Variants in PAK6 observed in about 807,000 individuals in gnomAD.
PAK6 encodes p21 (RAC1) activated kinase 6.
In PAK6, 33 loss-of-function variants were observed where a neutral mutation model predicts 60.8. The ratio of observed to expected loss-of-function variants is 0.54; its 90% CI spans 0.41 to 0.73. The LOEUF is 0.73. Among genes scored for constraint, PAK6 ranks in the 30% least tolerant of loss-of-function variants. The pLI is 0.00. For synonymous variants in PAK6, 404 were observed against 378.5 expected (o/e 1.07, Z -0.78); for missense variants, 845 against 904.1 (o/e 0.93, Z 0.84).
intron 2 of PAK6, among the ~76,000 whole-genome samples, chr15:40,242,542 G>A (rs2038383866): frequency 6.6e-6 from 1 of 152,200 alleles, no homozygotes; most frequent in African/African-American, 2.4e-5. Flanking sequence ...GCTTATTTCT[G>A]GGAGCCTCCT....
exon 6 of PAK6, chr15:40,272,243 C>T (rs371298913): frequency 4.5e-5 from 72 of 1,609,190 alleles, no homozygotes; most frequent in South Asian, 6.6e-5. Context: ...TCTTTCCGAC[C>T]GCCGCAGAAA....
chr15:40,265,839 C>T lies in PAK6; in HGVS notation c.205-3C>T, dbSNP rs764463480. 4.0e-6 allele frequency: 6 copies of T among 1,516,206 alleles called. No homozygotes were observed. Among genetic ancestry groups the T allele is most frequent in the African/African-American group, 1.4e-5 (1 of 71,912 alleles). The allele number at this position is 1,516,206 out of a possible 1,614,324, so 93.9% of individuals were successfully genotyped here. On this transcript the variant is annotated splice_polypyrimidine_tract_variant and splice_region_variant and intron_variant, in intron 4 of 10. Coordinates refer to ENST00000560346, the Ensembl canonical transcript of PAK6. The stretch of plus-strand genomic sequence containing the variant: ...CACACACTCTTTTCTCTTCCCCCTA[C>T]AGACAGTGGTGCGGGGCAGCGCGAT...
At chr15:40,273,864 G>A (rs2039378330) in intron 9 of PAK6, 188 bp downstream of exon 9, 2 of 744,842 alleles carry the variant, frequency 2.7e-6, no homozygotes, top group African/African-American at 3.5e-5. Context: ...AACGAGTCCT[G>A]CAAGTGCTTT....
At chr15:40,248,146 G>A (rs149878605) in intron 2 of PAK6, among the ~76,000 whole-genome samples, 2 of 152,316 alleles carry the variant, frequency 1.3e-5, no homozygotes, top group Non-Finnish European at 2.9e-5. Context: ...GGACTCCATG[G>A]CTCTGCAGCT....
exon 7 of PAK6, chr15:40,272,930 G>A: frequency 6.2e-7 from 1 of 1,614,112 alleles, no homozygotes; most frequent in Non-Finnish European, 8.5e-7. Flanking sequence ...TACCTGGTGG[G>A]CGAGGAGCTG....
exon 11 of PAK6, chr15:40,276,265 C>T (rs1167745002): frequency 1.8e-5 from 11 of 626,912 alleles, no homozygotes; most frequent in Admixed American, 5.9e-5. Context: ...GCCGGACCTG[C>T]CCCCTCAGTG....
chr15:40,269,569 T>G (rs1007773523), intron 5 of PAK6, among the ~76,000 whole-genome samples: 1 of 152,244 alleles, frequency 6.6e-6, no homozygotes, highest in Non-Finnish European at 1.5e-5. Context: ...CCCTTTCTTG[T>G]GTGGCCTCAC....
At chr15:40,273,719 G>A (rs200071360) in intron 9 of PAK6, 43 bp downstream of exon 9, 51 of 1,601,592 alleles carry the variant, frequency 3.2e-5, no homozygotes, top group Middle Eastern at 1.7e-4. Flanking sequence ...AAAGCAACTT[G>A]GCAACTGGCA....
At chr15:40,265,614 C>G (rs942709803) in intron 4 of PAK6, among the ~76,000 whole-genome samples, 1 of 152,246 alleles carries the variant, frequency 6.6e-6, no homozygotes, top group Non-Finnish European at 1.5e-5. Context: ...ACCATCTGCT[C>G]TGCTGACGCT....
rs79504743 is a variant in PAK6, at chr15:40,269,045, G to A, written c.858+2550G>A. ...CTTTATTAGTAGTATTTGAGATGGC[G>A]TCTCCCTCTTTCGCCCAGGCTGGAG... On this transcript the variant is annotated intron_variant, in intron 5 of 10. Transcript: ENST00000560346. Among the ~76,000 whole-genome samples, 1,425 of 152,308 alleles carry A rather than the reference G, an allele frequency of 9.4e-3. 26 individuals are homozygous for A. The highest frequency in any genetic ancestry group is 0.042 in the East Asian group (216 of 5,188).
chr15:40,257,927 C>T lies in PAK6; in HGVS notation c.-6+4638C>T, dbSNP rs932267846. On this transcript the variant is annotated intron_variant, in intron 3 of 10. Transcript: ENST00000560346. ...CCGCCACAAAACTTACTCACCCCCTCCTCAAGCCAAGCCTGTGGGTCGCCT... is the reference window on the plus strand; with the variant it reads ...CCGCCACAAAACTTACTCACCCCCTTCTCAAGCCAAGCCTGTGGGTCGCCT... Among the ~76,000 whole-genome samples, 67 of 152,216 alleles carry T rather than the reference C, an allele frequency of 4.4e-4. 3 individuals carry two copies. Among genetic ancestry groups the T allele is most frequent in the Non-Finnish European group, 1.5e-5 (1 of 68,030 alleles).
chr15:40,275,518 C>T (rs918835338), intron 10 of PAK6, among the ~76,000 whole-genome samples: 3 of 152,028 alleles, frequency 2.0e-5, no homozygotes, highest in Admixed American at 1.3e-4. Flanking sequence ...AACTCCTGAC[C>T]TCGTAATCTG....
intron 5 of PAK6, 73 bp downstream of exon 5, chr15:40,266,568 C>T: frequency 2.8e-6 from 4 of 1,414,500 alleles, no homozygotes; most frequent in Non-Finnish European, 3.8e-6. Flanking sequence ...CCTAGCCTTC[C>T]CCTTGGAGGA....
chr15:40,257,616 A>T (rs2038872512), intron 3 of PAK6, among the ~76,000 whole-genome samples: 1 of 152,348 alleles, frequency 6.6e-6, no homozygotes, highest in Non-Finnish European at 1.5e-5. Context: ...TACATTCCCA[A>T]GTGGTCTGTC....
intron 3 of PAK6, among the ~76,000 whole-genome samples, chr15:40,262,605 C>T (rs1595587580): frequency 6.6e-6 from 1 of 152,152 alleles, no homozygotes; most frequent in African/African-American, 2.4e-5. Context: ...TGGCGAGGTC[C>T]CCAGGTCCCA....
chr15:40,274,586 C>T (rs575203693), intron 10 of PAK6, among the ~76,000 whole-genome samples: 1 of 152,364 alleles, frequency 6.6e-6, no homozygotes, highest in Admixed American at 6.5e-5. Flanking sequence ...AAAGCCAGGA[C>T]ACCAGCAATC....
Position 40,266,411 on chromosome 15 carries a change from C to T in PAK6, c.774C>T (p.Arg258=), listed in dbSNP as rs201350352. The T allele has an allele frequency of 6.8e-6, 11 of 1,613,316 alleles. No individual in the cohort carries two copies. In the Admixed American group the frequency reaches 1.0e-4, roughly 15 times the overall value. ...AGACCCGGGAGAGCAGCCTGAAGCGCAGGCTATTCCGAAGCATGTTCCTGT... is the reference window on the plus strand; with the variant it reads ...AGACCCGGGAGAGCAGCCTGAAGCGTAGGCTATTCCGAAGCATGTTCCTGT... The change falls in exon 5 of 11, where the codon CGC becomes CGT. Residue 258 remains arginine, a synonymous_variant. Coordinates refer to ENST00000560346, the Ensembl canonical transcript of PAK6.
intron 5 of PAK6, among the ~76,000 whole-genome samples, chr15:40,268,262 G>T (rs1351275930): frequency 6.6e-6 from 1 of 152,134 alleles, no homozygotes; most frequent in Non-Finnish European, 1.5e-5. Context: ...CTCCGGGCCG[G>T]GGCTTCTCAG....
chr15:40,272,648 A>C, exon 6 of PAK6: 1 of 1,607,378 alleles, frequency 6.2e-7, no homozygotes, highest in Non-Finnish European at 8.5e-7. Context: ...CGGGAGAAGC[A>C]CTCGGGCCGC....
Sources: gnomAD v4.1 joint callset for allele counts (sites outside exome capture counted in the v4.1 genomes callset) on GRCh38, gnomAD v4.1.1 for gene constraint, MANE v1.5 for transcripts, NCBI Gene and HGNC (gene_info 2026-07-23, HGNC 2026-07-21) for gene names.